The following SLC6A13 variants were observed in gnomAD, a reference collection of about 807,000 sequenced individuals.
SLC6A13 encodes the protein sodium- and chloride-dependent GABA transporter 2.
In SLC6A13, 69 loss-of-function variants were observed where a neutral mutation model predicts 72.9. The ratio of observed to expected loss-of-function variants is 0.95; its 90% CI spans 0.78 to 1.16. The LOEUF is 1.16. Ranked by LOEUF, SLC6A13 falls within the 50% of genes most tolerant of loss-of-function variation. SLC6A13 has a pLI of 0.00. For missense variants in SLC6A13, 735 were observed against 760.5 expected, an observed-to-expected ratio of 0.97 and a Z score of 0.39; for synonymous variants, 303 against 303.0, an observed-to-expected ratio of 1.00 and a Z score of 0.00.
At chr12:228,513 T>C (rs1301230157) in intron 7 of SLC6A13, among the ~76,000 whole-genome samples, 2 of 152,160 alleles carry the variant, frequency 1.3e-5, no homozygotes, top group Admixed American at 1.3e-4. Flanking sequence ...GGGCGCCGGA[T>C]GACCCGTCCA....
chr12:234,251 C>A (rs1283700682), intron 7 of SLC6A13, among the ~76,000 whole-genome samples: 2 of 152,186 alleles, frequency 1.3e-5, no homozygotes, highest in Admixed American at 1.3e-4. Flanking sequence ...ACACTCCCAC[C>A]AGCTCCATGA....
At chr12:249,494 G>T (rs1195842124) in intron 2 of SLC6A13, among the ~76,000 whole-genome samples, 1 of 151,878 alleles carries the variant, frequency 6.6e-6, no homozygotes, top group African/African-American at 2.4e-5. Context: ...AAGATATGAA[G>T]AACTTTATGC....
rs373255186 is a variant in SLC6A13, at chr12:237,402, C to A, written c.564-112G>T. 32 of 1,182,512 alleles carry A rather than the reference C, an allele frequency of 2.7e-5. No individual in the cohort carries two copies. In the African/African-American group the frequency reaches 3.8e-4, roughly 14 times the overall value. 73.3% of individuals were successfully genotyped at this position (1,182,512 alleles called of 1,614,324 possible). On this transcript the variant is annotated intron_variant, in intron 5 of 14. Transcript: ENST00000343164. ...CCTCCAGGCTCTTGTCCAAAGGCTT[C>A]TCTGCTCTCTTCACATGAGGCCATC...
chr12:250,983 T>C (rs538355559), intron 2 of SLC6A13, among the ~76,000 whole-genome samples: 261 of 151,842 alleles, frequency 1.7e-3, no homozygotes, highest in South Asian at 5.4e-3. Flanking sequence ...GGTGAAACCC[T>C]GTCTCTACTA....
chr12:230,968 A>T (rs1259041934), intron 7 of SLC6A13, among the ~76,000 whole-genome samples: 1 of 152,254 alleles, frequency 6.6e-6, no homozygotes, highest in Non-Finnish European at 1.5e-5. Flanking sequence ...ACTAGTTCTA[A>T]TCGGTGATTT....
At chr12:236,695 C>T (rs1306343212) in intron 6 of SLC6A13, among the ~76,000 whole-genome samples, 1 of 152,226 alleles carries the variant, frequency 6.6e-6, no homozygotes, top group Non-Finnish European at 1.5e-5. Flanking sequence ...TAGCTTAGCA[C>T]AACCAGGCAG....
chr12:240,805 C>T (rs1942138212), intron 4 of SLC6A13, among the ~76,000 whole-genome samples: 2 of 151,988 alleles, frequency 1.3e-5, no homozygotes, highest in South Asian at 2.1e-4. Context: ...TGAAAAATAA[C>T]GGTGGAATGG....
chr12:240,713 A>G (rs925929608), intron 4 of SLC6A13, among the ~76,000 whole-genome samples: 3 of 152,256 alleles, frequency 2.0e-5, no homozygotes, highest in African/African-American at 7.2e-5. Flanking sequence ...GGGCCGGTGC[A>G]GGTGCTACCA....
In SLC6A13 at chr12:235,106, C is replaced by T. The variant is rs370784913; in HGVS notation, c.815G>A (p.Arg272His). The T allele has an allele frequency of 2.8e-5, 46 of 1,614,080 alleles. No individual in the cohort carries two copies. Among genetic ancestry groups the T allele is most frequent in the Middle Eastern group, 1.6e-4 (1 of 6,082 alleles). ...GCTTCTTACCTGGGGATCCCACAGA[C>T]GCGTGAGGTTTGGGTACAGGTAAAA... ...IQFYLYPNLTRLWDPQVWMDA... is the reference protein window; with the variant it reads ...IQFYLYPNLTHLWDPQVWMDA... The change falls in exon 7 of 15, where the codon CGT becomes CAT. Residue 272 changes from arginine (R) to histidine (H), a missense_variant. Coordinates refer to ENST00000343164, the MANE Select transcript of SLC6A13 (RefSeq NM_016615.5).
chr12:224,563 G>T, intron 9 of SLC6A13, 50 bp from the exon 10 acceptor site: 1 of 1,483,614 alleles, frequency 6.7e-7, no homozygotes, highest in Non-Finnish European at 9.4e-7. Context: ...CCAGCTCCAG[G>T]CTGTGGGTGA....
chr12:248,699 G>T (rs987013925), intron 2 of SLC6A13, among the ~76,000 whole-genome samples: 1 of 152,062 alleles, frequency 6.6e-6, no homozygotes, highest in African/African-American at 2.4e-5. Flanking sequence ...AACGTTAATA[G>T]CCCTCTCTCA....
Position 260,053 on chromosome 12 carries a change from C to T in SLC6A13, c.-1G>A. On this transcript the variant is annotated 5_prime_UTR_variant, in exon 2 of 15. Transcript: ENST00000343164. ...TTGTGCCTGAGACCCTGCTATCCAT[C>T]CCACCTGGAAAACAAGTGGGATGCT... is the stretch of plus-strand genomic sequence containing the variant. 2 of 1,611,544 alleles carry T rather than the reference C, an allele frequency of 1.2e-6. No individual in the cohort carries two copies. The highest frequency in any genetic ancestry group is 1.7e-6 in the Non-Finnish European group (2 of 1,177,874).
intron 1 of SLC6A13, among the ~76,000 whole-genome samples, chr12:261,091 C>A (rs1221954995): frequency 6.6e-6 from 1 of 152,138 alleles, no homozygotes; most frequent in Non-Finnish European, 1.5e-5. Flanking sequence ...GAGTCTGTGA[C>A]AGTAGAGAAG....
intron 3 of SLC6A13, among the ~76,000 whole-genome samples, chr12:243,225 G>T (rs1260362871): frequency 6.6e-6 from 1 of 152,108 alleles, no homozygotes; most frequent in East Asian, 1.9e-4. Flanking sequence ...ATGTTGGCCA[G>T]GCTGGTCTCG....
Position 228,620 on chromosome 12 carries a change from G to A in SLC6A13, c.832-952C>T, listed in dbSNP as rs191038833. Among the ~76,000 whole-genome samples the A allele has an allele frequency of 2.0e-5, 3 of 152,252 alleles. No homozygotes were observed. In the East Asian group the frequency reaches 5.8e-4, roughly 29 times the overall value. On this transcript the variant is annotated intron_variant, in intron 7 of 14. Coordinates refer to ENST00000343164, the MANE Select transcript of SLC6A13 (RefSeq NM_016615.5). ...TCATCACTCTCTTCCGCTAATATCAGGCCTCCAATTCCTCAGTCCCTTCCT... is the reference window on the plus strand; with the variant it reads ...TCATCACTCTCTTCCGCTAATATCAAGCCTCCAATTCCTCAGTCCCTTCCT...
At position 242,758 on chromosome 12, in the gene SLC6A13, C is replaced by CG; in HGVS notation, c.338-5dup. The CG allele has an allele frequency of 6.3e-7, 1 of 1,574,944 alleles. No homozygotes were observed. Among genetic ancestry groups the CG allele is most frequent in the Non-Finnish European group, 8.6e-7 (1 of 1,159,470 alleles). On this transcript the variant is annotated splice_polypyrimidine_tract_variant and splice_region_variant and intron_variant, in intron 3 of 14. Coordinates refer to ENST00000343164, the MANE Select transcript of SLC6A13 (RefSeq NM_016615.5). The stretch of plus-strand genomic sequence containing the variant: ...ATCTGGGAGGCATAGCCAATGCCTG[C>CG]GGGGAAACTGCAGAATTGGGCTAGG...
chr12:238,752 T>A (rs1003585898), intron 4 of SLC6A13, among the ~76,000 whole-genome samples: 1 of 152,164 alleles, frequency 6.6e-6, no homozygotes, highest in Non-Finnish European at 1.5e-5. Flanking sequence ...AATGACCAAG[T>A]GTAGGCTGGA....
chr12:259,616 C>T (rs1411447655), intron 2 of SLC6A13: 6 of 1,420,670 alleles, frequency 4.2e-6, no homozygotes, highest in Non-Finnish European at 5.5e-6. Context: ...CCACCTGGTT[C>T]CAGCTTGTGC....
chr12:250,164 CA>C (rs1267134166), intron 2 of SLC6A13, among the ~76,000 whole-genome samples: 2 of 151,920 alleles, frequency 1.3e-5, no homozygotes, highest in African/African-American at 2.4e-5. Context: ...AGGGCATCTA[CA>C]AAAAAACCCT....
Sources: allele counts gnomAD v4.1 joint callset (sites outside exome capture counted in the v4.1 genomes callset), GRCh38; gene constraint gnomAD v4.1.1; transcripts MANE v1.5; gene names NCBI Gene and HGNC (gene_info 2026-07-23, HGNC 2026-07-21).